The following GALM variants were observed in gnomAD, a reference collection of about 807,000 sequenced individuals.
GALM encodes aldose 1-epimerase.
Under a neutral mutation model 37.4 loss-of-function variants are expected in GALM, and 43 were observed. The observed-to-expected ratio is 1.15, with a 90% CI of 0.90 to 1.48. The LOEUF is 1.48. Ranked by LOEUF, GALM falls within the 40% of genes most tolerant of loss-of-function variation. GALM has a pLI of 0.00. For missense variants in GALM, 456 were observed against 419.1 expected (o/e 1.09, Z -0.77); for synonymous variants, 199 against 170.6 (o/e 1.17, Z -1.30).
chr2:38,698,711 G>GA (rs1665860304), intron 4 of GALM, among the ~76,000 whole-genome samples: 1 of 152,100 alleles, frequency 6.6e-6, no homozygotes, highest in Non-Finnish European at 1.5e-5. Flanking sequence ...TGTAGATAAT[G>GA]GATGTCCAGA....
chr2:38,681,881 T>C (rs993816419), intron 3 of GALM, among the ~76,000 whole-genome samples: 4 of 152,210 alleles, frequency 2.6e-5, no homozygotes, highest in Non-Finnish European at 5.9e-5. Flanking sequence ...CTCCTTTAGA[T>C]ATGCTGCCAA....
chr2:38,717,502 C>G (rs751378343), intron 4 of GALM, among the ~76,000 whole-genome samples: 1 of 151,780 alleles, frequency 6.6e-6, no homozygotes, highest in Non-Finnish European at 1.5e-5. Flanking sequence ...TGGATTCAAG[C>G]AATTCTCTTG....
chr2:38,720,591 C>T (rs1040238228), intron 4 of GALM, among the ~76,000 whole-genome samples: 1 of 152,122 alleles, frequency 6.6e-6, no homozygotes, highest in Non-Finnish European at 1.5e-5. Context: ...TCCAGCACTT[C>T]GTTTATTATC....
At chr2:38,695,619 T>G (rs1395594832) in intron 4 of GALM, among the ~76,000 whole-genome samples, 1 of 152,236 alleles carries the variant, frequency 6.6e-6, no homozygotes, top group Non-Finnish European at 1.5e-5. Flanking sequence ...GTTATTTTGC[T>G]TACCATCCTA....
chr2:38,733,660 T>G lies in GALM; in HGVS notation c.*95T>G. ...AAGATTAAGAAGCTTTCAGAATGAT[T>G]CTATGGATTAAAATCATACAAATGG... On this transcript the variant is annotated 3_prime_UTR_variant, in exon 7 of 7. Transcript: ENST00000272252. The G allele has an allele frequency of 1.1e-6, 1 of 920,774 alleles. No homozygotes were observed. Among genetic ancestry groups the G allele is most frequent in the Admixed American group, 1.8e-5 (1 of 57,070 alleles). The allele number at this position is 920,774 out of a possible 1,614,324, so 57.0% of individuals were successfully genotyped here. A position where few individuals can be genotyped will look rare whatever the true frequency, so the allele number is the denominator to read the frequency against.
chr2:38,714,064 AG>A (rs2148450605), intron 4 of GALM, among the ~76,000 whole-genome samples: 1 of 152,332 alleles, frequency 6.6e-6, no homozygotes. Context: ...CCTGGCATTT[AG>A]TAAGAGCTTT....
In GALM at chr2:38,675,541, TTTTGTGTGTGTGTGTGTGTGTG is replaced by T. The variant is rs1165587168; in HGVS notation, c.191-369_191-348del. On this transcript the variant is annotated intron_variant, in intron 1 of 6. Coordinates refer to ENST00000272252, the MANE Select transcript of GALM (RefSeq NM_138801.3). ...GGGTTTTTTTGTTTTTTTTTTTTTT[TTTTGTGTGTGTGTGTGTGTGTG>T]TGTGTGTGTGTGTGTGTGTGTGTGT... 2.7e-3 allele frequency among the ~76,000 whole-genome samples: 179 copies of T among 65,608 alleles called. 4 individuals are homozygous for T. The highest frequency in any genetic ancestry group is 0.011 in the African/African-American group (165 of 14,818). The allele number at this position is 65,608 out of a possible 152,430, so 43.0% of individuals were successfully genotyped here.
intron 1 of GALM, among the ~76,000 whole-genome samples, chr2:38,675,539 TTTTTTGTG>T (rs1360564921): frequency 8.4e-5 from 7 of 83,462 alleles, no homozygotes; most frequent in African/African-American, 2.8e-4. Context: ...TTTTTTTTTT[TTTTTTGTG>T]TGTGTGTGTG....
At chr2:38,683,543 T>A (rs1195317434) in intron 3 of GALM, among the ~76,000 whole-genome samples, 2 of 140,856 alleles carry the variant, frequency 1.4e-5, no homozygotes, top group East Asian at 3.8e-4. Context: ...AGCTCAGATT[T>A]TGGAGCATTT....
intron 4 of GALM, among the ~76,000 whole-genome samples, chr2:38,710,002 G>C (rs1394156860): frequency 6.6e-6 from 1 of 152,198 alleles, no homozygotes; most frequent in African/African-American, 2.4e-5. Flanking sequence ...TCCTCATGGA[G>C]ACCAGACTCT....
intron 1 of GALM, among the ~76,000 whole-genome samples, chr2:38,667,299 G>A (rs1443629348): frequency 6.6e-6 from 1 of 152,132 alleles, no homozygotes; most frequent in Non-Finnish European, 1.5e-5. Flanking sequence ...CTTTTGGTGT[G>A]TCATTCTGTC....
At chr2:38,719,828 A>AC (rs1198756937) in intron 4 of GALM, among the ~76,000 whole-genome samples, 1 of 147,540 alleles carries the variant, frequency 6.8e-6, no homozygotes, top group African/African-American at 2.5e-5. Context: ...ACCTTTAGTG[A>AC]CCCCCGAGGC....
chr2:38,733,297 T>C (rs1161372171), intron 6 of GALM, among the ~76,000 whole-genome samples, 191 bp from the exon 7 acceptor site: 1 of 151,878 alleles, frequency 6.6e-6, no homozygotes, highest in African/African-American at 2.4e-5. Context: ...AGGAAAGCCT[T>C]CCTTTAACAA....
chr2:38,708,018 A>G (rs1355473489), intron 4 of GALM, among the ~76,000 whole-genome samples: 1 of 152,094 alleles, frequency 6.6e-6, no homozygotes, highest in Non-Finnish European at 1.5e-5. Context: ...AAGGCAGGAG[A>G]ATCACCTGAA....
intron 4 of GALM, among the ~76,000 whole-genome samples, chr2:38,702,954 T>C (rs1199299883): frequency 2.9e-5 from 4 of 138,946 alleles, no homozygotes; most frequent in Non-Finnish European, 6.1e-5. Context: ...ATATATAATA[T>C]GTGTAATTTT....
At chr2:38,676,316 C>A (rs549541954) in intron 2 of GALM, among the ~76,000 whole-genome samples, 2 of 152,136 alleles carry the variant, frequency 1.3e-5, no homozygotes, top group Non-Finnish European at 2.9e-5. Flanking sequence ...AAATGAGAAA[C>A]AACTTTCTCA....
intron 4 of GALM, among the ~76,000 whole-genome samples, chr2:38,718,906 G>A (rs1405353654): frequency 6.6e-6 from 1 of 151,872 alleles, no homozygotes; most frequent in African/African-American, 2.4e-5. Context: ...AATTCATCCG[G>A]GTGAGAGAGT....
chr2:38,705,336 T>G (rs1666014811), intron 4 of GALM, among the ~76,000 whole-genome samples: 1 of 152,186 alleles, frequency 6.6e-6, no homozygotes, highest in Non-Finnish European at 1.5e-5. Context: ...TTGTATTCAG[T>G]TCAGCTAACA....
intron 1 of GALM, among the ~76,000 whole-genome samples, chr2:38,675,389 G>T (rs1572511105): frequency 6.6e-6 from 1 of 152,070 alleles, no homozygotes; most frequent in African/African-American, 2.4e-5. Flanking sequence ...AAAAGGAAAG[G>T]ATCGTATGTA....
Sources: allele counts gnomAD v4.1 joint callset (sites outside exome capture counted in the v4.1 genomes callset), GRCh38; gene constraint gnomAD v4.1.1; transcripts MANE v1.5; gene names NCBI Gene and HGNC (gene_info 2026-07-23, HGNC 2026-07-21).